The following LRRFIP1 variants were observed in gnomAD, a reference collection of about 807,000 sequenced individuals.
LRRFIP1 encodes leucine-rich repeat flightless-interacting protein 1.
In LRRFIP1, 62 loss-of-function variants were observed where a neutral mutation model predicts 104.4. That is an observed-to-expected ratio of 0.59 (90% CI 0.48 to 0.73). The LOEUF (loss-of-function observed/expected upper bound fraction) is 0.73, where lower values mean the gene tolerates loss of function less well. Ranked by LOEUF, LRRFIP1 falls within the 30% of genes least tolerant of loss-of-function variation. LRRFIP1 has a pLI of 0.00. For synonymous variants in LRRFIP1, 300 were observed against 299.0 expected (o/e 1.00, Z -0.03); for missense variants, 796 against 824.5 (o/e 0.97, Z 0.42).
At chr2:237,659,720 G>T (rs1055181460) in intron 1 of LRRFIP1, among the ~76,000 whole-genome samples, 1 of 151,268 alleles carries the variant, frequency 6.6e-6, no homozygotes, top group African/African-American at 2.4e-5. Flanking sequence ...ATTGCTCATC[G>T]CTGCCTCGCT....
At chr2:237,732,570 CTT>C (rs2095058526) in intron 8 of LRRFIP1, among the ~76,000 whole-genome samples, 1 of 152,322 alleles carries the variant, frequency 6.6e-6, no homozygotes, top group Admixed American at 6.5e-5. Context: ...TTTGCTAAGA[CTT>C]TTGTCAATCT....
intron 1 of LRRFIP1, among the ~76,000 whole-genome samples, chr2:237,666,705 T>C (rs1292627956): frequency 2.0e-5 from 3 of 152,130 alleles, no homozygotes; most frequent in Admixed American, 6.5e-5. Context: ...CTTGACGTCA[T>C]AGAGTGGAGT....
intron 13 of LRRFIP1, among the ~76,000 whole-genome samples, chr2:237,750,326 C>CTTT (rs928510240): frequency 5.7e-3 from 347 of 60,532 alleles, no homozygotes; most frequent in Non-Finnish European, 7.6e-3. Context: ...TTCTTTCTTT[C>CTTT]TTTTTTTTTT....
At chr2:237,732,299 C>T (rs1031314627) in intron 8 of LRRFIP1, among the ~76,000 whole-genome samples, 2 of 152,210 alleles carry the variant, frequency 1.3e-5, no homozygotes, top group African/African-American at 2.4e-5. Flanking sequence ...GAGCCTCTCT[C>T]TCCTCTCTGC....
intron 1 of LRRFIP1, among the ~76,000 whole-genome samples, chr2:237,699,616 T>A (rs767388253): frequency 6.6e-6 from 1 of 152,174 alleles, no homozygotes; most frequent in Non-Finnish European, 1.5e-5. Context: ...CCTCCCAAAG[T>A]GCTGGGATTA....
intron 3 of LRRFIP1, among the ~76,000 whole-genome samples, chr2:237,715,073 A>G (rs564245569): frequency 4.6e-5 from 7 of 152,210 alleles, no homozygotes; most frequent in Non-Finnish European, 8.8e-5. Flanking sequence ...GAATAAGATC[A>G]CTTAATTTCG....
chr2:237,747,891 A>G (rs975778108), intron 11 of LRRFIP1, among the ~76,000 whole-genome samples: 5 of 151,874 alleles, frequency 3.3e-5, no homozygotes, highest in Non-Finnish European at 7.4e-5. Flanking sequence ...TGTTTAAAAA[A>G]CCCTTCCCCC....
chr2:237,644,804 C>T (rs7572196), intron 1 of LRRFIP1, among the ~76,000 whole-genome samples: 18,838 of 152,212 alleles, frequency 0.12, 1,394 homozygotes, highest in East Asian at 0.2. Context: ...GTCTTCCCGA[C>T]CTGGTGCTTT....
chr2:237,742,023 C>G (rs73102921), intron 11 of LRRFIP1, among the ~76,000 whole-genome samples: 3,363 of 152,118 alleles, frequency 0.022, 143 homozygotes, highest in African/African-American at 0.076. Flanking sequence ...GATGAAGTCT[C>G]AAAATAACAG....
chr2:237,692,299 G>A (rs1434484793), intron 1 of LRRFIP1: 6 of 1,200,830 alleles, frequency 5.0e-6, no homozygotes, highest in African/African-American at 4.8e-5. Flanking sequence ...GCTCCCCGGC[G>A]GGCTGGCTCC....
rs66463256 is a variant in LRRFIP1 at position 237,690,736 on chromosome 2, CA to C, written c.97-17794del. Reference sequence around the variant, plus strand: ...TGGGCGACAGAGCGAGACTCCATCTCAAAAAAAAAAAAAAGAAAGAAAGAAA... The same window carrying C: ...TGGGCGACAGAGCGAGACTCCATCTCAAAAAAAAAAAAAGAAAGAAAGAAA... On this transcript the variant is annotated intron_variant, in intron 1 of 23. Transcript: ENST00000308482. Among the ~76,000 whole-genome samples, 210 of 116,304 alleles carry C rather than the reference CA, an allele frequency of 1.8e-3. 1 individual carries two copies. The highest frequency in any genetic ancestry group is 0.017 in the Middle Eastern group (3 of 172). The allele number at this position is 116,304 out of a possible 152,430, so 76.3% of individuals were successfully genotyped here. A position where few individuals can be genotyped will look rare whatever the true frequency, so the allele number is the denominator to read the frequency against.
chr2:237,692,641 G>C (rs2092890745), intron 1 of LRRFIP1: 1 of 1,282,502 alleles, frequency 7.8e-7, no homozygotes, highest in Non-Finnish European at 1.0e-6. Flanking sequence ...GTGGGCTCTG[G>C]CGGGACCCCA....
At chr2:237,693,852 A>G (rs1300848932) in intron 1 of LRRFIP1, among the ~76,000 whole-genome samples, 1 of 152,182 alleles carries the variant, frequency 6.6e-6, no homozygotes, top group Non-Finnish European at 1.5e-5. Context: ...TGGAGCAGCT[A>G]AGGCACTGGC....
chr2:237,698,805 G>A (rs1047846163), intron 1 of LRRFIP1, among the ~76,000 whole-genome samples: 6 of 150,394 alleles, frequency 4.0e-5, no homozygotes, highest in Non-Finnish European at 8.9e-5. Context: ...GTGTGATGGA[G>A]AGACGAGAGA....
rs138141222 is a variant in LRRFIP1, at chr2:237,758,223, A to AGTGTGTGTGTGTGTGT, written c.1225-499_1225-484dup. On this transcript the variant is annotated intron_variant, in intron 17 of 23. Coordinates refer to ENST00000308482, the MANE Select transcript of LRRFIP1 (RefSeq NM_001137550.2). ...ACTGTCACGCTCATCAGCACTTAGGAGTGTGTGTGTGTGTGTGTGTGTCTG... is the reference window on the plus strand; with the variant it reads ...ACTGTCACGCTCATCAGCACTTAGGAGTGTGTGTGTGTGTGTGTGTGTGTGTGTGTGTGTGTGTCTG... Among the ~76,000 whole-genome samples, 26 of 149,724 alleles carry AGTGTGTGTGTGTGTGT rather than the reference A, an allele frequency of 1.7e-4. No individual in the cohort carries two copies. The East Asian group carries it at 4.1e-3, about 24-fold the overall frequency.
intron 18 of LRRFIP1, among the ~76,000 whole-genome samples, chr2:237,759,751 T>C (rs2059666651): frequency 6.6e-6 from 1 of 152,204 alleles, no homozygotes; most frequent in South Asian, 2.1e-4. Flanking sequence ...ACTTGCTTAC[T>C]GCTCCACTTG....
intron 19 of LRRFIP1, chr2:237,764,208 C>T: frequency 6.2e-7 from 1 of 1,613,468 alleles, no homozygotes; most frequent in Non-Finnish European, 8.5e-7. Flanking sequence ...TCTCCACTGC[C>T]AATGTAAGTA....
chr2:237,663,065 G>A (rs1254749748), intron 1 of LRRFIP1, among the ~76,000 whole-genome samples: 2 of 152,156 alleles, frequency 1.3e-5, no homozygotes, highest in Non-Finnish European at 2.9e-5. Context: ...CAGGGAGCTG[G>A]AACACTGACA....
rs372792955 is a variant in LRRFIP1, at chr2:237,723,575, C to A, written c.373C>A (p.Pro125Thr). The change falls in exon 7 of 24, where the codon CCT becomes ACT. Residue 125 changes from proline to threonine, a missense_variant. Coordinates refer to ENST00000308482, the MANE Select transcript of LRRFIP1 (RefSeq NM_001137550.2). ...GCAGCCTGACTTGGAGTATGGGGGT[C>A]CTTACGCCTGGGTGAGATGGTCGGA... ...RSQPDLEYGG[P>T]YAWTNGYDGE... 1.4e-5 allele frequency: 22 copies of A among 1,613,594 alleles called. No individual in the cohort carries two copies. The highest frequency in any genetic ancestry group is 1.9e-5 in the Non-Finnish European group (22 of 1,179,786).
Sources: gnomAD v4.1 joint callset for allele counts (sites outside exome capture counted in the v4.1 genomes callset) on GRCh38, gnomAD v4.1.1 for gene constraint, MANE v1.5 for transcripts, NCBI Gene and HGNC (gene_info 2026-07-23, HGNC 2026-07-21) for gene names.